TP73: variants seen among roughly 807,000 people sequenced by gnomAD.
TP73 encodes the protein tumor protein p73, also known as p53-like transcription factor.
TP73 carries 25 observed loss-of-function variants against 62.5 expected under a neutral mutation model. The observed-to-expected ratio is 0.40, with a 90% CI of 0.29 to 0.56. The LOEUF is 0.56. Among genes scored for constraint, TP73 ranks in the 20% least tolerant of loss-of-function variants. The probability of loss-of-function intolerance (pLI) is 0.46; values close to 1 mark genes in which losing one functional copy is unlikely to be tolerated. For missense variants in TP73, 754 were observed against 913.3 expected (o/e 0.83, Z 2.25); for synonymous variants, 423 against 377.5 (o/e 1.12, Z -1.40).
At chr1:3,686,271 G>A (rs1026290341) in intron 3 of TP73, among the ~76,000 whole-genome samples, 2 of 152,238 alleles carry the variant, frequency 1.3e-5, no homozygotes. Flanking sequence ...CCCGAACCAC[G>A]AGCAGGCAGA....
At position 3,728,694 on chromosome 1, in the gene TP73, G is replaced by C. The variant is rs922122041; in HGVS notation, c.1074+477G>C. Among the ~76,000 whole-genome samples the C allele has an allele frequency of 1.4e-4, 21 of 152,386 alleles. No individual in the cohort carries two copies. In the South Asian group the frequency reaches 4.3e-3, roughly 32 times the overall value. On this transcript the variant is annotated intron_variant, in intron 9 of 13. Coordinates refer to ENST00000378295, the MANE Select transcript of TP73 (RefSeq NM_005427.4). ...TTTTTGAGCTCCAGAATGAGCCCCA[G>C]TTGGGGTCAGTGGCTCATGCCTGTA...
At chr1:3,653,899 G>C (rs575531905) in intron 1 of TP73, among the ~76,000 whole-genome samples, 1 of 152,196 alleles carries the variant, frequency 6.6e-6, no homozygotes. Flanking sequence ...GGCTGGGCAC[G>C]GTAGCTCACG....
chr1:3,689,657 G>A (rs1645758155), intron 3 of TP73, among the ~76,000 whole-genome samples: 2 of 152,204 alleles, frequency 1.3e-5, no homozygotes, highest in South Asian at 4.1e-4. Flanking sequence ...GAGGAAGGAA[G>A]CTGGGGAGAT....
intron 1 of TP73, among the ~76,000 whole-genome samples, chr1:3,675,926 G>A (rs1268136689): frequency 5.3e-5 from 8 of 152,070 alleles, no homozygotes; most frequent in Non-Finnish European, 1.0e-4. Flanking sequence ...AGCCGGAGAC[G>A]GGGTTCCTAG....
intron 4 of TP73, among the ~76,000 whole-genome samples, chr1:3,710,580 A>G (rs1640056080): frequency 6.6e-6 from 1 of 152,188 alleles, no homozygotes; most frequent in Non-Finnish European, 1.5e-5. Context: ...TCTCAAGTAC[A>G]AGTCCACATT....
At chr1:3,654,153 AACAGAGCAAG>A (rs1557474021) in intron 1 of TP73, among the ~76,000 whole-genome samples, 1 of 152,226 alleles carries the variant, frequency 6.6e-6, no homozygotes, top group African/African-American at 2.4e-5. Flanking sequence ...CAGCCTGGGC[AACAGAGCAAG>A]ACTCTGTCTC....
rs940636745 is a variant in TP73, at chr1:3,733,939, ACTTT to A, written c.*867_*870del. On this transcript the variant is annotated 3_prime_UTR_variant, in exon 14 of 14. Transcript: ENST00000378295. ...GTCAGCTTTTTTTTTTTTTTTTTTA[ACTTT>A]CTTTCTCAGCATTCTCTTTGGAGTT... is the stretch of plus-strand genomic sequence containing the variant. The A allele has an allele frequency of 6.8e-5, 9 of 133,288 alleles. No individual in the cohort carries two copies. The highest frequency in any genetic ancestry group is 2.1e-4 in the African/African-American group (8 of 37,994). The allele number at this position is 133,288 out of a possible 1,614,324, so 8.3% of individuals were successfully genotyped here.
At chr1:3,676,101 C>A (rs1645360376) in intron 1 of TP73, among the ~76,000 whole-genome samples, 1 of 140,936 alleles carries the variant, frequency 7.1e-6, no homozygotes, top group Non-Finnish European at 1.5e-5. Flanking sequence ...AGGGAGAGGA[C>A]AGAGGGACAG....
rs1368321518 is a variant in TP73 at position 3,699,699 on chromosome 1, G to A, written c.187-7850G>A. 6.6e-6 allele frequency among the ~76,000 whole-genome samples: 1 copy of A among 152,218 alleles called. No homozygotes were observed. The highest frequency in any genetic ancestry group is 1.5e-5 in the Non-Finnish European group (1 of 68,040). On this transcript the variant is annotated intron_variant, in intron 3 of 13. Transcript: ENST00000378295. The surrounding 1 kb of genome is among the most constrained non-coding windows in gnomAD (Gnocchi z 4.1). ...TCCTAGTTGAACAGAATGAATGAGA[G>A]TGCGGGATAAATGCCGGGCGGGGAG...
chr1:3,682,307 C>CA, intron 1 of TP73, 26 bp from the exon 2 acceptor site: 1 of 1,431,932 alleles, frequency 7.0e-7, no homozygotes, highest in Non-Finnish European at 9.3e-7. Context: ...CCAGGGTGCT[C>CA]AGGTGTCATT....
In TP73 at chr1:3,732,236, C is replaced by T. The variant is rs910381255; in HGVS notation, c.1579-511C>T. On this transcript the variant is annotated intron_variant, in intron 13 of 13. Coordinates refer to ENST00000378295, the MANE Select transcript of TP73 (RefSeq NM_005427.4). ...CTGCAGACAGAGATGAGGGTCAGTGCGAGCTAGGGCCAGCTGCTCAGCCTA... is the reference window on the plus strand; with the variant it reads ...CTGCAGACAGAGATGAGGGTCAGTGTGAGCTAGGGCCAGCTGCTCAGCCTA... Among the ~76,000 whole-genome samples, 19 of 152,222 alleles carry T rather than the reference C, an allele frequency of 1.2e-4. 1 individual carries two copies. Among genetic ancestry groups the T allele is most frequent in the Admixed American group, 2.6e-4 (4 of 15,288 alleles).
At chr1:3,688,614 G>C (rs1428933129) in intron 3 of TP73, among the ~76,000 whole-genome samples, 1 of 152,240 alleles carries the variant, frequency 6.6e-6, no homozygotes, top group African/African-American at 2.4e-5. Context: ...GCCACGCCAA[G>C]GGGGTGTGGC....
At chr1:3,698,200 A>G in intron 3 of TP73, 3 of 889,450 alleles carry the variant, frequency 3.4e-6, no homozygotes, top group Non-Finnish European at 4.0e-6. Flanking sequence ...GCAAGGACAC[A>G]GGATGTCAGG....
At chr1:3,681,886 G>A (rs545769080) in intron 1 of TP73, among the ~76,000 whole-genome samples, 3 of 108,482 alleles carry the variant, frequency 2.8e-5, no homozygotes, top group African/African-American at 5.3e-5. Context: ...CACTTGTTCC[G>A]GCCCAAGCAT....
chr1:3,702,993 TG>T (rs950664945), intron 3 of TP73, among the ~76,000 whole-genome samples: 1 of 152,142 alleles, frequency 6.6e-6, no homozygotes, highest in African/African-American at 2.4e-5. Context: ...GAAAGCTCCT[TG>T]CCGCCAGGCA....
At chr1:3,690,286 G>A (rs3765728) in intron 3 of TP73, among the ~76,000 whole-genome samples, 104,748 of 151,998 alleles carry the variant, frequency 0.69, 37,316 homozygotes, top group Non-Finnish European at 0.8. Context: ...CCCTTGGACT[G>A]GTCCTGGCGG....
At chr1:3,693,874 CATG>C in intron 3 of TP73, among the ~76,000 whole-genome samples, 1 of 43,752 alleles carries the variant, frequency 2.3e-5, no homozygotes, top group Admixed American at 2.0e-4. Flanking sequence ...CAATCCCACC[CATG>C]CAGCCTCCGC....
At chr1:3,713,707 C>T (rs1436232180) in intron 4 of TP73, among the ~76,000 whole-genome samples, 1 of 152,142 alleles carries the variant, frequency 6.6e-6, no homozygotes, top group Non-Finnish European at 1.5e-5. Flanking sequence ...TTCCGAGGAG[C>T]CTCAGGAAGA....
intron 3 of TP73, among the ~76,000 whole-genome samples, chr1:3,704,203 A>G (rs989952804): frequency 4.6e-5 from 7 of 152,204 alleles, no homozygotes; most frequent in African/African-American, 7.2e-5. Flanking sequence ...TAGTAGCCGC[A>G]TTCAAAAAGG....
Sources: gnomAD v4.1 joint callset for allele counts (sites outside exome capture counted in the v4.1 genomes callset) on GRCh38, gnomAD v4.1.1 for gene constraint, Gnocchi (gnomAD v3.1) non-coding constraint, MANE v1.5 for transcripts, NCBI Gene and HGNC (gene_info 2026-07-23, HGNC 2026-07-21) for gene names.